The following EDIL3 variants were observed in gnomAD, a reference collection of about 807,000 sequenced individuals.
EDIL3 encodes the protein EGF like and discoidin domains 3.
A neutral mutation model predicts 67.4 loss-of-function variants in EDIL3; 37 were observed. That is an observed-to-expected ratio of 0.55 (90% confidence interval 0.42 to 0.72). The LOEUF (loss-of-function observed/expected upper bound fraction) is 0.72. Among genes scored for constraint, EDIL3 ranks in the 30% least tolerant of loss-of-function variants. The pLI is 0.00. For missense variants in EDIL3, 527 were observed against 586.3 expected, an observed-to-expected ratio of 0.90 and a Z score of 1.04; for synonymous variants, 195 against 196.3, an observed-to-expected ratio of 0.99 and a Z score of 0.05.
At position 84,168,202 on chromosome 5, in the gene EDIL3, A is replaced by T. The variant is rs544794279; in HGVS notation, c.355+12191T>A. Among the ~76,000 whole-genome samples the T allele has an allele frequency of 2.0e-5, 3 of 152,272 alleles. No homozygotes were observed. In the South Asian group the frequency reaches 6.2e-4, roughly 32 times the overall value. On this transcript the variant is annotated intron_variant, in intron 4 of 10. Transcript: ENST00000296591. ...TTTCCAGATTTCCTATTCAAATGTA[A>T]ATGATGTTCTATTTTTTAAAATCAT... is the stretch of plus-strand genomic sequence containing the variant.
chr5:84,344,389 T>C (rs1289639330), intron 1 of EDIL3, among the ~76,000 whole-genome samples: 1 of 152,146 alleles, frequency 6.6e-6, no homozygotes, highest in Non-Finnish European at 1.5e-5. Context: ...ACATATATTG[T>C]GGCAAGTGTG....
At chr5:83,993,499 C>G (rs1745186019) in intron 9 of EDIL3, among the ~76,000 whole-genome samples, 1 of 152,192 alleles carries the variant, frequency 6.6e-6, no homozygotes, top group South Asian at 2.1e-4. Context: ...ATATTTTCTT[C>G]CATTCTCCAT....
chr5:84,348,266 G>A (rs1372728209), intron 1 of EDIL3, among the ~76,000 whole-genome samples: 1 of 152,086 alleles, frequency 6.6e-6, no homozygotes, highest in South Asian at 2.1e-4. Flanking sequence ...CTGATCCATA[G>A]GGAGGTAATT....
At chr5:84,305,740 G>A (rs976019628) in intron 1 of EDIL3, among the ~76,000 whole-genome samples, 1 of 152,054 alleles carries the variant, frequency 6.6e-6, no homozygotes, top group Non-Finnish European at 1.5e-5. Context: ...TTAGCCAGGC[G>A]TGGTGGCACG....
intron 6 of EDIL3, among the ~76,000 whole-genome samples, chr5:84,103,571 A>C (rs1044705329): frequency 1.2e-4 from 18 of 151,938 alleles, no homozygotes; most frequent in Admixed American, 1.1e-3. Context: ...TAAACAGACA[A>C]TTTTCAAAAG....
chr5:84,310,774 C>A (rs1354858489), intron 1 of EDIL3, among the ~76,000 whole-genome samples: 1 of 152,128 alleles, frequency 6.6e-6, no homozygotes, highest in African/African-American at 2.4e-5. Context: ...ACACAAGTCA[C>A]GCGTATGGAG....
At chr5:84,323,117 T>G (rs1746683336) in intron 1 of EDIL3, among the ~76,000 whole-genome samples, 1 of 152,080 alleles carries the variant, frequency 6.6e-6, no homozygotes, top group African/African-American at 2.4e-5. Flanking sequence ...ATTAATACAC[T>G]TTTTTAAATT....
chr5:84,321,710 T>C (rs1053131313), intron 1 of EDIL3, among the ~76,000 whole-genome samples: 1 of 152,146 alleles, frequency 6.6e-6, no homozygotes, highest in Non-Finnish European at 1.5e-5. Flanking sequence ...CTGTCAGTGA[T>C]TGCTGCTTCT....
chr5:84,192,663 T>C (rs1241239211), intron 3 of EDIL3, among the ~76,000 whole-genome samples: 1 of 152,052 alleles, frequency 6.6e-6, no homozygotes, highest in African/African-American at 2.4e-5. Context: ...AGTTTATATT[T>C]AGAGCTTCTA....
intron 1 of EDIL3, among the ~76,000 whole-genome samples, chr5:84,337,254 C>T (rs1747007648): frequency 6.6e-6 from 1 of 152,198 alleles, no homozygotes; most frequent in Admixed American, 6.5e-5. Flanking sequence ...AAAGCCAAAT[C>T]TTGAGGTGGC....
chr5:84,381,498 A>T (rs1025862721), intron 1 of EDIL3, among the ~76,000 whole-genome samples: 7 of 152,214 alleles, frequency 4.6e-5, no homozygotes, highest in Non-Finnish European at 8.8e-5. Flanking sequence ...ATTTCTGTAT[A>T]AATGTAACTA....
intron 4 of EDIL3, among the ~76,000 whole-genome samples, chr5:84,156,712 T>C (rs951992980): frequency 6.6e-5 from 10 of 152,118 alleles, no homozygotes; most frequent in Non-Finnish European, 1.0e-4. Flanking sequence ...TAGATACAGC[T>C]CTCTAGGGAG....
At chr5:84,110,098 T>C (rs1454857873) in intron 5 of EDIL3, among the ~76,000 whole-genome samples, 1 of 152,206 alleles carries the variant, frequency 6.6e-6, no homozygotes, top group Non-Finnish European at 1.5e-5. Context: ...TATCCTTAGA[T>C]GCTCATGGTG....
Position 84,020,968 on chromosome 5 carries a change from T to C in EDIL3, c.1137+39332A>G, listed in dbSNP as rs4235658. ...CAGAGAGAGAGTTTCTACTTTTAGT[T>C]AGATTCAAGAAAAAATTACACATAC... On this transcript the variant is annotated intron_variant, in intron 9 of 10. Coordinates refer to ENST00000296591, the MANE Select transcript of EDIL3 (RefSeq NM_005711.5). Among the ~76,000 whole-genome samples the C allele has an allele frequency of 3.1e-3, 472 of 152,130 alleles. 3 individuals carry two copies. Among genetic ancestry groups the C allele is most frequent in the African/African-American group, 0.011 (454 of 41,568 alleles).
chr5:84,256,113 CATCTAACTATCT>C (rs887530077), intron 1 of EDIL3, among the ~76,000 whole-genome samples: 2 of 96,662 alleles, frequency 2.1e-5, no homozygotes, highest in African/African-American at 4.2e-5. Flanking sequence ...ATATACTTAT[CATCTAACTATCT>C]ATCTATCTAT....
At chr5:84,009,798 T>C (rs1003980882) in intron 9 of EDIL3, among the ~76,000 whole-genome samples, 2 of 152,298 alleles carry the variant, frequency 1.3e-5, no homozygotes, top group Admixed American at 6.5e-5. Context: ...TATTGCTGGT[T>C]GTGGGAAGAA....
chr5:84,381,742 C>T (rs1364154403), intron 1 of EDIL3, among the ~76,000 whole-genome samples: 1 of 152,164 alleles, frequency 6.6e-6, no homozygotes, highest in African/African-American at 2.4e-5. Flanking sequence ...CACGTGCTTG[C>T]TGCAACTGTA....
chr5:84,020,620 G>GAC (rs144255926), intron 9 of EDIL3, among the ~76,000 whole-genome samples: 2 of 151,162 alleles, frequency 1.3e-5, no homozygotes, highest in Admixed American at 6.6e-5. Context: ...CCCTCCCGCC[G>GAC]ACACACACAC....
intron 9 of EDIL3, among the ~76,000 whole-genome samples, chr5:84,055,922 A>G (rs563314820): frequency 3.3e-5 from 5 of 152,312 alleles, no homozygotes; most frequent in African/African-American, 7.2e-5. Context: ...GGGATCTAGA[A>G]CTACAAATAT....
Sources: gnomAD v4.1 joint callset for allele counts (sites outside exome capture counted in the v4.1 genomes callset) on GRCh38, gnomAD v4.1.1 for gene constraint, MANE v1.5 for transcripts, NCBI Gene and HGNC (gene_info 2026-07-23, HGNC 2026-07-21) for gene names.